PFKFB2: variants seen among roughly 807,000 people sequenced by gnomAD.
The protein encoded by PFKFB2 is 6-phosphofructo-2-kinase/fructose-2,6-bisphosphatase 2.
Under a neutral mutation model 68.0 loss-of-function variants are expected in PFKFB2, and 53 were observed. That is an observed-to-expected ratio of 0.78 (90% confidence interval 0.63 to 0.98). The LOEUF (loss-of-function observed/expected upper bound fraction) is 0.98, where lower values mean the gene tolerates loss of function less well. Ranked by LOEUF, PFKFB2 falls within the 50% of genes least tolerant of loss-of-function variation. The pLI is 0.00. For missense variants in PFKFB2, 451 were observed against 642.0 expected (o/e 0.70, Z 3.22); for synonymous variants, 222 against 227.6 (o/e 0.98, Z 0.22).
At position 207,042,549 on chromosome 1, in the gene PFKFB2, C is replaced by CAAAAAAAAAAAAAAAAAAAAAAAAA. The variant is rs57077682; in HGVS notation, c.-18+345_-18+369dup. On this transcript the variant is annotated intron_variant, in intron 2 of 5. Coordinates refer to the PFKFB2 transcript ENST00000545806. Reference sequence around the variant, plus strand: ...GGCGACACAGCAACACTCTGTCTCACAAAAAAAAAAAAAAAAAAAAAAAAA... The same window carrying CAAAAAAAAAAAAAAAAAAAAAAAAA: ...GGCGACACAGCAACACTCTGTCTCACAAAAAAAAAAAAAAAAAAAAAAAAAAAAAAAAAAAAAAAAAAAAAAAAAA... 3.1e-4 allele frequency among the ~76,000 whole-genome samples: 14 copies of CAAAAAAAAAAAAAAAAAAAAAAAAA among 44,712 alleles called. 3 individuals carry two copies. Among genetic ancestry groups the CAAAAAAAAAAAAAAAAAAAAAAAAA allele is most frequent in the African/African-American group, 4.5e-4 (6 of 13,462 alleles). The allele number at this position is 44,712 out of a possible 152,430, so 29.3% of individuals were successfully genotyped here.
In PFKFB2 at chr1:207,069,528, G is replaced by A. The variant is rs748372859; in HGVS notation, c.1092G>A (p.Glu364=). 1 of 1,588,324 alleles carries A rather than the reference G, an allele frequency of 6.3e-7. No individual in the cohort carries two copies. Among genetic ancestry groups the A allele is most frequent in the South Asian group, 1.1e-5 (1 of 90,580 alleles). The change falls in exon 11 of 15, where the codon GAG becomes GAA. Residue 364 remains glutamate (E), a splice_region_variant and synonymous_variant. Transcript: ENST00000367080. ...ATCTGTATCGATATCCTGGTGGGGA[G>A]GTAAGACGCCCCTGTCATGTAAAGT... ...EKYLYRYPGG[E]SYQDLVQRLE...
chr1:207,064,675 C>T (rs1307963053), intron 7 of PFKFB2, among the ~76,000 whole-genome samples: 3 of 152,192 alleles, frequency 2.0e-5, no homozygotes, highest in South Asian at 4.1e-4. Flanking sequence ...GGTCCCAAGT[C>T]AGGCACTGGG....
In PFKFB2 at chr1:207,069,516, T is replaced by C. The variant is rs1683403288; in HGVS notation, c.1080T>C (p.Tyr360=). Residue 360 remains tyrosine (Y), a synonymous_variant, in exon 11 of 15, where the codon TAT becomes TAC. Transcript: ENST00000367080. The stretch of plus-strand genomic sequence containing the variant: ...ATCAAGAGAAGTATCTGTATCGATA[T>C]CCTGGTGGGGAGGTAAGACGCCCCT... The part of the protein sequence containing the change: ...LRDQEKYLYR[Y]PGGESYQDLV... 1.2e-6 allele frequency: 2 copies of C among 1,610,206 alleles called. No individual in the cohort carries two copies. The highest frequency in any genetic ancestry group is 1.7e-6 in the Non-Finnish European group (2 of 1,176,592).
At chr1:207,037,511 T>G (rs1173684512) in intron 1 of PFKFB2, among the ~76,000 whole-genome samples, 1 of 152,234 alleles carries the variant, frequency 6.6e-6, no homozygotes, top group Non-Finnish European at 1.5e-5. Flanking sequence ...GTCTTTGTCT[T>G]TAGATATATC....
chr1:207,061,633 C>G (rs1180659490), intron 2 of PFKFB2, among the ~76,000 whole-genome samples: 1 of 152,162 alleles, frequency 6.6e-6, no homozygotes, highest in East Asian at 1.9e-4. Flanking sequence ...CCTGTAATCC[C>G]AGCACTTTGG....
rs905392786 is a variant in PFKFB2 at position 207,075,038 on chromosome 1, C to A, written c.*2667C>A. 80 of 985,332 alleles carry A rather than the reference C, an allele frequency of 8.1e-5. No homozygotes were observed. The highest frequency in any genetic ancestry group is 9.0e-5 in the Non-Finnish European group (75 of 829,954). 61.0% of individuals were successfully genotyped at this position (985,332 alleles called of 1,614,324 possible). A position where few individuals can be genotyped will look rare whatever the true frequency, so the allele number is the denominator to read the frequency against. The stretch of plus-strand genomic sequence containing the variant: ...CCAAATGGGCATTCAGTCTTTTCTT[C>A]TGCTGTGAGGTAAGAGTAATTCAGA... On this transcript the variant is annotated 3_prime_UTR_variant, in exon 15 of 15. Coordinates refer to ENST00000367080, the MANE Select transcript of PFKFB2 (RefSeq NM_006212.2).
In PFKFB2 at chr1:207,073,500, C is replaced by A. The variant is rs1254228469; in HGVS notation, c.*1129C>A. 2 of 985,202 alleles carry A rather than the reference C, an allele frequency of 2.0e-6. No homozygotes were observed. Among genetic ancestry groups the A allele is most frequent in the Non-Finnish European group, 2.4e-6 (2 of 829,864 alleles). The allele number at this position is 985,202 out of a possible 1,614,324, so 61.0% of individuals were successfully genotyped here. A position where few individuals can be genotyped will look rare whatever the true frequency, so the allele number is the denominator to read the frequency against. The stretch of plus-strand genomic sequence containing the variant: ...TTTTTGAATAATTTCAGCACACTGT[C>A]CTTAAGAAGAAAGAAACATCAAAAC... On this transcript the variant is annotated 3_prime_UTR_variant, in exon 15 of 15. Coordinates refer to ENST00000367080, the MANE Select transcript of PFKFB2 (RefSeq NM_006212.2).
In PFKFB2 at chr1:207,076,781, TG is replaced by T. The variant is rs1683638193; in HGVS notation, c.*4411del. On this transcript the variant is annotated 3_prime_UTR_variant, in exon 15 of 15. Coordinates refer to ENST00000367080, the MANE Select transcript of PFKFB2 (RefSeq NM_006212.2). ...CTGACAGACTGTAGTAGTGTCTGTG[TG>T]CTGACTGATAGATAGACTATAGTAA... 1 of 985,026 alleles carries T rather than the reference TG, an allele frequency of 1.0e-6. No individual in the cohort carries two copies. The highest frequency in any genetic ancestry group is 1.7e-5 in the African/African-American group (1 of 57,232). 61.0% of individuals were successfully genotyped at this position (985,026 alleles called of 1,614,324 possible). A position where few individuals can be genotyped will look rare whatever the true frequency, so the allele number is the denominator to read the frequency against.
upstream of PFKFB2, chr1:207,050,977 G>A (rs563387440): frequency 1.1e-5 from 17 of 1,539,604 alleles, no homozygotes; most frequent in Non-Finnish European, 1.3e-5. Flanking sequence ...CGCCGCCGGG[G>A]AAACCAGGCG....
intron 2 of PFKFB2, among the ~76,000 whole-genome samples, chr1:207,058,803 A>G (rs1683003782): frequency 6.6e-6 from 1 of 152,086 alleles, no homozygotes; most frequent in African/African-American, 2.4e-5. Context: ...TCAAGTCTTC[A>G]TTTTATCTAA....
intron 2 of PFKFB2, among the ~76,000 whole-genome samples, chr1:207,056,039 T>C (rs1354624574): frequency 2.6e-5 from 4 of 152,192 alleles, no homozygotes; most frequent in African/African-American, 9.7e-5. Flanking sequence ...TTATGACTTC[T>C]TAGCTCTTGA....
At chr1:207,079,074 T>A (rs1215621058), downstream of PFKFB2, 1 of 1,457,134 alleles carries the variant, frequency 6.9e-7, no homozygotes, top group Non-Finnish European at 9.6e-7. Flanking sequence ...ACTGAAAAGC[T>A]TGGGATGTCA....
chr1:207,077,814 C>G lies in PFKFB2; in HGVS notation c.*5443C>G. 1.0e-6 allele frequency: 1 copy of G among 985,414 alleles called. No homozygotes were observed. The highest frequency in any genetic ancestry group is 4.7e-5 in the South Asian group (1 of 21,268). The allele number at this position is 985,414 out of a possible 1,614,324, so 61.0% of individuals were successfully genotyped here. On this transcript the variant is annotated 3_prime_UTR_variant, in exon 15 of 15. Coordinates refer to ENST00000367080, the MANE Select transcript of PFKFB2 (RefSeq NM_006212.2). ...AAATAAAATTGTTGAGTAACTTGAA[C>G]CTATCAGAAGGCTTCTGGGTTTTTT...
At chr1:207,061,081 A>G (rs1293374487) in intron 2 of PFKFB2, among the ~76,000 whole-genome samples, 1 of 118,300 alleles carries the variant, frequency 8.5e-6, no homozygotes, top group Non-Finnish European at 1.7e-5. Context: ...ATATCTTTAT[A>G]TATCTTTATA....
chr1:207,036,580 C>T (rs756473984), intron 1 of PFKFB2, among the ~76,000 whole-genome samples: 7 of 152,318 alleles, frequency 4.6e-5, no homozygotes, highest in Middle Eastern at 6.8e-3. Context: ...AACTTTGTCA[C>T]CAATTTTGAA....
chr1:207,052,316 G>T, upstream of PFKFB2: 1 of 1,228,304 alleles, frequency 8.1e-7, no homozygotes, highest in Non-Finnish European at 1.2e-6. Context: ...TGCAACGGAT[G>T]ATACAGCCTG....
At chr1:207,040,606 T>C (rs1682457324) in intron 1 of PFKFB2, among the ~76,000 whole-genome samples, 1 of 152,214 alleles carries the variant, frequency 6.6e-6, no homozygotes, top group African/African-American at 2.4e-5. Flanking sequence ...TGTCTTGTTT[T>C]CGTCTGGTAA....
chr1:207,068,061 A>T, intron 9 of PFKFB2, 102 bp from the exon 10 acceptor site: 1 of 1,075,006 alleles, frequency 9.3e-7, no homozygotes, highest in Non-Finnish European at 1.3e-6. Flanking sequence ...TCCCTTACAG[A>T]CCAAGTTAGC....
chr1:207,051,427 C>G (rs1212608476), upstream of PFKFB2, among the ~76,000 whole-genome samples: 1 of 152,220 alleles, frequency 6.6e-6, no homozygotes, highest in African/African-American at 2.4e-5. Flanking sequence ...AGTCAAAGGA[C>G]CAGTCAAAAA....
Sources: allele counts gnomAD v4.1 joint callset (sites outside exome capture counted in the v4.1 genomes callset), GRCh38; gene constraint gnomAD v4.1.1; transcripts MANE v1.5; gene names NCBI Gene and HGNC (gene_info 2026-07-23, HGNC 2026-07-21).